CTNNA2: variants seen among roughly 807,000 people sequenced by gnomAD.
CTNNA2 encodes the protein catenin alpha 2.
Under a neutral mutation model 101.0 loss-of-function variants are expected in CTNNA2, and 42 were observed. The ratio of observed to expected loss-of-function variants is 0.42; its 90% CI spans 0.32 to 0.54. CTNNA2 has a LOEUF of 0.54. Among genes scored for constraint, CTNNA2 ranks in the 20% least tolerant of loss-of-function variants. CTNNA2 has a pLI of 0.14. For missense variants in CTNNA2, 871 were observed against 1,223.1 expected, an observed-to-expected ratio of 0.71 and a Z score of 4.29; for synonymous variants, 450 against 456.4, an observed-to-expected ratio of 0.99 and a Z score of 0.18.
chr2:79,305,103 C>A (rs950760354), intron 2 of CTNNA2, among the ~76,000 whole-genome samples: 2 of 151,808 alleles, frequency 1.3e-5, no homozygotes, highest in Non-Finnish European at 2.9e-5. Flanking sequence ...AGAGGCAAAG[C>A]AGTGCATTTC....
intron 7 of CTNNA2, among the ~76,000 whole-genome samples, chr2:79,958,723 AT>A (rs1184990727): frequency 6.6e-5 from 10 of 152,076 alleles, no homozygotes; most frequent in East Asian, 1.9e-4. Context: ...ACTTGTGGTA[AT>A]TTTTTTTAGC....
intron 2 of CTNNA2, among the ~76,000 whole-genome samples, chr2:79,229,236 T>C (rs945116539): frequency 6.6e-6 from 1 of 152,142 alleles, no homozygotes; most frequent in African/African-American, 2.4e-5. Context: ...CTTTAGCTAT[T>C]TAGGCTGATA....
chr2:79,835,666 G>GTTTTTTGTTTTGTTTTTTTTTTTTTT (rs1679276639), intron 3 of CTNNA2, among the ~76,000 whole-genome samples: 1 of 58,618 alleles, frequency 1.7e-5, no homozygotes, highest in African/African-American at 7.3e-5. Flanking sequence ...GCCTCTCTTT[G>GTTTTTTGTTTTGTTTTTTTTTTTTTT]TTTTTTTTTT....
intron 1 of CTNNA2, among the ~76,000 whole-genome samples, chr2:79,625,608 A>G (rs1379748203): frequency 6.6e-6 from 1 of 152,166 alleles, no homozygotes; most frequent in Non-Finnish European, 1.5e-5. Context: ...CTGTGGTGGA[A>G]GCATCCAGTT....
At chr2:80,313,270 A>G (rs1467584909) in intron 7 of CTNNA2, 5 of 711,038 alleles carry the variant, frequency 7.0e-6, no homozygotes, top group Non-Finnish European at 9.4e-6. Context: ...TCACTCCTCA[A>G]TCTCTGACAA....
At chr2:80,043,489 C>T (rs527473435) in intron 7 of CTNNA2, among the ~76,000 whole-genome samples, 17 of 152,246 alleles carry the variant, frequency 1.1e-4, no homozygotes, top group Admixed American at 9.8e-4. Context: ...TGAGCCACTG[C>T]GCCCTGCCCC....
At chr2:80,616,400 A>C (rs1427899122) in intron 17 of CTNNA2, 1 of 151,668 alleles carries the variant, frequency 6.6e-6, no homozygotes, top group Non-Finnish European at 1.5e-5. Context: ...TGATCAACTT[A>C]CATGAAAAAA....
At chr2:80,547,123 GTCTTT>G (rs1458928959) in intron 11 of CTNNA2, among the ~76,000 whole-genome samples, 4 of 152,204 alleles carry the variant, frequency 2.6e-5, no homozygotes, top group Non-Finnish European at 5.9e-5. Context: ...TCTAGTTGCA[GTCTTT>G]TCTTTTCCGG....
At chr2:79,488,214 A>G (rs1321899937) in intron 4 of CTNNA2, among the ~76,000 whole-genome samples, 2 of 147,510 alleles carry the variant, frequency 1.4e-5, no homozygotes, top group East Asian at 2.1e-4. Context: ...GCTACTCAGG[A>G]GGCTGAGACA....
intron 4 of CTNNA2, among the ~76,000 whole-genome samples, chr2:79,467,660 C>G (rs1001761758): frequency 3.3e-5 from 5 of 152,196 alleles, no homozygotes; most frequent in African/African-American, 1.2e-4. Flanking sequence ...GGAAGCCTAT[C>G]AGACTAAGAG....
At chr2:80,418,527 A>T (rs1242939251) in intron 8 of CTNNA2, among the ~76,000 whole-genome samples, 1 of 152,214 alleles carries the variant, frequency 6.6e-6, no homozygotes, top group East Asian at 1.9e-4. Flanking sequence ...TGCATACGTT[A>T]TAGTAATTCG....
At chr2:79,507,840 T>C (rs1671447385) in intron 5 of CTNNA2, among the ~76,000 whole-genome samples, 1 of 152,180 alleles carries the variant, frequency 6.6e-6, no homozygotes, top group African/African-American at 2.4e-5. Context: ...ATATTTCTCT[T>C]AAATGAACTT....
In CTNNA2 at chr2:80,277,572, A is replaced by AAAAC. The variant is rs1452326702; in HGVS notation, c.1057-115638_1057-115637insAACA. 7.9e-5 allele frequency among the ~76,000 whole-genome samples: 12 copies of AAAAC among 151,788 alleles called. 1 individual carries two copies. Among genetic ancestry groups the AAAAC allele is most frequent in the Non-Finnish European group, 1.5e-4 (10 of 67,966 alleles). On this transcript the variant is annotated intron_variant, in intron 7 of 18. Transcript: ENST00000402739. ...ATTTCTGAAAAAAAAAAAAAAAAAA[A>AAAAC]ATGGACTTCAACCAAACCTTGAAGC... is the stretch of plus-strand genomic sequence containing the variant.
intron 2 of CTNNA2, among the ~76,000 whole-genome samples, chr2:79,291,323 G>T (rs938650834): frequency 2.0e-5 from 3 of 152,150 alleles, no homozygotes; most frequent in African/African-American, 7.2e-5. Flanking sequence ...AGACTGTCAG[G>T]TGTATGTCAG....
chr2:80,302,754 C>A lies in CTNNA2; in HGVS notation c.1057-90457C>A. 6.2e-7 allele frequency: 1 copy of A among 1,613,040 alleles called. No individual in the cohort carries two copies. The highest frequency in any genetic ancestry group is 8.5e-7 in the Non-Finnish European group (1 of 1,179,820). On this transcript the variant is annotated intron_variant, in intron 7 of 18. Coordinates refer to ENST00000402739, the MANE Select transcript of CTNNA2 (RefSeq NM_001282597.3). The surrounding 1 kb of genome is among the most constrained non-coding windows in gnomAD (Gnocchi z 6.4). The stretch of plus-strand genomic sequence containing the variant: ...TCGCACAGGTGGAAGGCGTACACGG[C>A]GTCCAGGACGTCCTCGCCCTGTGCG...
intron 3 of CTNNA2, among the ~76,000 whole-genome samples, chr2:79,370,021 T>G (rs943789777): frequency 6.6e-6 from 1 of 152,190 alleles, no homozygotes; most frequent in Non-Finnish European, 1.5e-5. Flanking sequence ...GAGGAGGTGC[T>G]CAACTTTATG....
chr2:80,598,082 T>C (rs1412265853), intron 15 of CTNNA2, among the ~76,000 whole-genome samples: 1 of 152,086 alleles, frequency 6.6e-6, no homozygotes, highest in African/African-American at 2.4e-5. Flanking sequence ...ATAGACTGGA[T>C]AAAGAAAATC....
At chr2:80,157,386 C>T (rs1001009391) in intron 7 of CTNNA2, among the ~76,000 whole-genome samples, 1 of 152,042 alleles carries the variant, frequency 6.6e-6, no homozygotes, top group Non-Finnish European at 1.5e-5. Context: ...CCTACGGGAC[C>T]CTGAACTTCA....
intron 1 of CTNNA2, among the ~76,000 whole-genome samples, chr2:79,625,217 A>G (rs1679232042): frequency 6.6e-6 from 1 of 152,210 alleles, no homozygotes; most frequent in African/African-American, 2.4e-5. Context: ...TACACAGGAA[A>G]AAAGAGGGAC....
Sources: gnomAD v4.1 joint callset for allele counts (sites outside exome capture counted in the v4.1 genomes callset) on GRCh38, gnomAD v4.1.1 for gene constraint, Gnocchi (gnomAD v3.1) non-coding constraint, MANE v1.5 for transcripts, NCBI Gene and HGNC (gene_info 2026-07-23, HGNC 2026-07-21) for gene names.